Variants in FNDC3B observed in about 807,000 individuals in gnomAD.
FNDC3B encodes the protein fibronectin type III domain containing 3B, also known as fibronectin type III domain-containing protein 3B.
FNDC3B carries 12 observed loss-of-function variants against 151.5 expected under a neutral mutation model. That is an observed-to-expected ratio of 0.08 (90% confidence interval 0.05 to 0.13). The LOEUF (loss-of-function observed/expected upper bound fraction) is 0.13, where lower values mean the gene tolerates loss of function less well. Among genes scored for constraint, FNDC3B ranks in the 10% least tolerant of loss-of-function variants. The pLI, the probability that FNDC3B is intolerant of heterozygous loss-of-function variation, is 1.00. For missense variants in FNDC3B, 1,214 were observed against 1,505.3 expected, an observed-to-expected ratio of 0.81 and a Z score of 3.20; for synonymous variants, 528 against 549.0, an observed-to-expected ratio of 0.96 and a Z score of 0.54.
intron 3 of FNDC3B, among the ~76,000 whole-genome samples, chr3:172,195,187 C>A (rs1342276042): frequency 6.6e-6 from 1 of 152,098 alleles, no homozygotes; most frequent in African/African-American, 2.4e-5. Context: ...TGAATGGTGG[C>A]ACCCCAACCC....
At chr3:172,207,522 T>A (rs1185014281) in intron 3 of FNDC3B, among the ~76,000 whole-genome samples, 1 of 152,166 alleles carries the variant, frequency 6.6e-6, no homozygotes, top group African/African-American at 2.4e-5. Flanking sequence ...ACATGAATAA[T>A]TTGGTAAATA....
intron 3 of FNDC3B, among the ~76,000 whole-genome samples, chr3:172,136,277 G>A (rs2108577881): frequency 6.6e-6 from 1 of 152,338 alleles, no homozygotes; most frequent in East Asian, 1.9e-4. Flanking sequence ...GAACAAAAGT[G>A]GTTGGTGGAG....
intron 9 of FNDC3B, among the ~76,000 whole-genome samples, chr3:172,306,512 C>T (rs1050505041): frequency 6.6e-6 from 1 of 152,068 alleles, no homozygotes; most frequent in Non-Finnish European, 1.5e-5. Context: ...GCAAAGTGTT[C>T]TTTGTTGTTG....
intron 3 of FNDC3B, among the ~76,000 whole-genome samples, chr3:172,218,774 C>G (rs1726125090): frequency 6.6e-6 from 1 of 152,186 alleles, no homozygotes; most frequent in African/African-American, 2.4e-5. Context: ...AAACTCAAGC[C>G]TCTTTAGCGC....
At chr3:172,239,310 T>G (rs1229508672) in intron 4 of FNDC3B, among the ~76,000 whole-genome samples, 1 of 152,220 alleles carries the variant, frequency 6.6e-6, no homozygotes, top group Admixed American at 6.5e-5. Flanking sequence ...CCAGCCTTGT[T>G]CTTCTCTTTG....
intron 17 of FNDC3B, among the ~76,000 whole-genome samples, chr3:172,341,870 C>T (rs566604955): frequency 1.2e-4 from 19 of 152,068 alleles, no homozygotes; most frequent in Non-Finnish European, 1.5e-4. Context: ...CTCTCATAGG[C>T]GCAAAACAAC....
intron 6 of FNDC3B, among the ~76,000 whole-genome samples, chr3:172,261,596 C>CTACA (rs1728650293): frequency 6.6e-6 from 1 of 152,248 alleles, no homozygotes; most frequent in Admixed American, 6.5e-5. Flanking sequence ...GTTTTTGGTG[C>CTACA]TGTAGTGAGA....
intron 25 of FNDC3B, among the ~76,000 whole-genome samples, chr3:172,387,872 G>T (rs1224934529): frequency 2.6e-5 from 4 of 152,230 alleles, no homozygotes; most frequent in African/African-American, 4.8e-5. Flanking sequence ...TCTCATCTTT[G>T]GCTCAAGGAC....
chr3:172,295,383 A>T lies in FNDC3B; in HGVS notation c.870A>T (p.Arg290Ser). The change falls in exon 8 of 26, where the codon AGA (arginine) becomes AGT (serine). Residue 290 changes from arginine to serine, a missense_variant. Transcript: ENST00000415807. ...CTCAGGTTTCTAATATTCAGGCAAG[A>T]GCAGTTGTGTTGTCCTGGGCTCCCC... The part of the protein sequence containing the change: ...EKPQVSNIQA[R>S]AVVLSWAPPV... 1 of 1,612,846 alleles carries T rather than the reference A, an allele frequency of 6.2e-7. No homozygotes were observed. The highest frequency in any genetic ancestry group is 8.5e-7 in the Non-Finnish European group (1 of 1,179,644).
intron 1 of FNDC3B, among the ~76,000 whole-genome samples, chr3:172,093,056 G>A (rs1468114542): frequency 1.3e-5 from 2 of 151,834 alleles, no homozygotes; most frequent in African/African-American, 4.9e-5. Context: ...GGGCTCAAGC[G>A]ATCCTCCCAC....
chr3:172,226,520 C>T (rs912394943), intron 3 of FNDC3B, among the ~76,000 whole-genome samples: 5 of 152,170 alleles, frequency 3.3e-5, no homozygotes, highest in Middle Eastern at 3.4e-3. Flanking sequence ...ATTAATTATG[C>T]ATTCTTTTAA....
chr3:172,173,811 C>A (rs2108639163), intron 3 of FNDC3B, among the ~76,000 whole-genome samples: 1 of 151,704 alleles, frequency 6.6e-6, no homozygotes, highest in South Asian at 2.1e-4. Context: ...CAGAGCAAGA[C>A]CCTGTCTGGG....
At chr3:172,150,174 A>T (rs1722148510) in intron 3 of FNDC3B, among the ~76,000 whole-genome samples, 1 of 152,114 alleles carries the variant, frequency 6.6e-6, no homozygotes, top group Non-Finnish European at 1.5e-5. Context: ...GAATAGCTAG[A>T]GATTTTTAAA....
intron 1 of FNDC3B, among the ~76,000 whole-genome samples, chr3:172,045,554 G>A (rs1716322268): frequency 6.6e-6 from 1 of 152,164 alleles, no homozygotes; most frequent in African/African-American, 2.4e-5. Flanking sequence ...GAAAAGAATC[G>A]TATTTTCAGT....
chr3:172,242,177 G>T (rs1727528607), intron 4 of FNDC3B, among the ~76,000 whole-genome samples: 1 of 152,218 alleles, frequency 6.6e-6, no homozygotes, highest in African/African-American at 2.4e-5. Flanking sequence ...TGCCCCTGTG[G>T]CTTTGCAGGG....
rs1422105178 is a variant in FNDC3B at position 172,091,843 on chromosome 3, A to T, written c.-28-20609A>T. Among the ~76,000 whole-genome samples the T allele has an allele frequency of 4.8e-5, 7 of 144,584 alleles. No homozygotes were observed. The Admixed American group carries it at 4.9e-4, about 10-fold the overall frequency. The allele number at this position is 144,584 out of a possible 152,430, so 94.9% of individuals were successfully genotyped here. ...GGTCAAAATTGTGTAGCTTCTAGTA[A>T]TATTACTCACAGTGCCCTGACTTTA... On this transcript the variant is annotated intron_variant, in intron 1 of 25. Transcript: ENST00000415807.
chr3:172,360,995 G>C (rs1312366758), intron 22 of FNDC3B, among the ~76,000 whole-genome samples: 1 of 152,214 alleles, frequency 6.6e-6, no homozygotes, highest in South Asian at 2.1e-4. Context: ...ACTGTAGGCT[G>C]TACAAAACCT....
Position 172,380,978 on chromosome 3 carries a change from C to G in FNDC3B, c.3188C>G (p.Thr1063Arg). ...ATTTGTATTTCAGCACCTCGAGTAA[C>G]ACAGTTAGAAGGAAATTCATGTGAA... ...VPPTIKAPRVTQLEGNSCEIL... is the reference protein window; with the variant it reads ...VPPTIKAPRVRQLEGNSCEIL... The change falls in exon 25 of 26, where the codon ACA becomes AGA. Residue 1063 changes from threonine (T) to arginine (R), a missense_variant. By Grantham distance (71) the Thr-to-Arg change is moderately conservative. Coordinates refer to ENST00000415807, the MANE Select transcript of FNDC3B (RefSeq NM_022763.4). 3.1e-6 allele frequency: 5 copies of G among 1,613,386 alleles called. No homozygotes were observed. Among genetic ancestry groups the G allele is most frequent in the Non-Finnish European group, 4.2e-6 (5 of 1,179,462 alleles).
intron 3 of FNDC3B, among the ~76,000 whole-genome samples, chr3:172,161,541 G>A (rs1452689837): frequency 6.6e-6 from 1 of 152,218 alleles, no homozygotes; most frequent in Non-Finnish European, 1.5e-5. Flanking sequence ...ATTTGATACA[G>A]CTTTTAGGTT....
Sources: gnomAD v4.1 joint callset for allele counts (sites outside exome capture counted in the v4.1 genomes callset) on GRCh38, gnomAD v4.1.1 for gene constraint, MANE v1.5 for transcripts, NCBI Gene and HGNC (gene_info 2026-07-23, HGNC 2026-07-21) for gene names.